The following LPAR1 variants were observed in gnomAD, a reference collection of about 807,000 sequenced individuals.
The protein encoded by LPAR1 is LPA receptor 1.
A neutral mutation model predicts 23.8 loss-of-function variants in LPAR1; 5 were observed. That is an observed-to-expected ratio of 0.21 (90% CI 0.11 to 0.44). The LOEUF (loss-of-function observed/expected upper bound fraction) is 0.44, where lower values mean the gene tolerates loss of function less well. LPAR1 is among the 20% of genes least tolerant of loss of function. The probability of loss-of-function intolerance (pLI) is 0.99; values close to 1 mark genes in which losing one functional copy is unlikely to be tolerated. For synonymous variants in LPAR1, 160 were observed against 164.7 expected, an observed-to-expected ratio of 0.97 and a Z score of 0.22; for missense variants, 311 against 482.8, an observed-to-expected ratio of 0.64 and a Z score of 3.33.
At chr9:111,000,173 T>C (rs553174339) in intron 2 of LPAR1, among the ~76,000 whole-genome samples, 1 of 152,328 alleles carries the variant, frequency 6.6e-6, no homozygotes, top group Admixed American at 6.5e-5. Flanking sequence ...CCCTTTCTCT[T>C]ACCCCTTTCA....
rs1187254510 is a variant in LPAR1, at chr9:110,873,901, T to C, written c.*1520A>G. The C allele has an allele frequency of 6.6e-6, 1 of 152,450 alleles. No individual in the cohort carries two copies. Among genetic ancestry groups the C allele is most frequent in the Non-Finnish European group, 1.5e-5 (1 of 68,040 alleles). The allele number at this position is 152,450 out of a possible 1,614,324, so 9.4% of individuals were successfully genotyped here. On this transcript the variant is annotated 3_prime_UTR_variant, in exon 6 of 6. Coordinates refer to ENST00000683809, the MANE Select transcript of LPAR1 (RefSeq NM_001351411.2). ...TCAAACAAAGTTTGGAATTGCGAGA[T>C]ATATTGGGGTACCTTGATTCTTGAG...
At chr9:111,021,727 C>T (rs577874066) in intron 2 of LPAR1, among the ~76,000 whole-genome samples, 1 of 152,052 alleles carries the variant, frequency 6.6e-6, no homozygotes, top group East Asian at 1.9e-4. Context: ...TTGGGAGGCC[C>T]AGGTGGGTGG....
intron 2 of LPAR1, among the ~76,000 whole-genome samples, chr9:111,000,156 C>T (rs1345057295): frequency 2.0e-5 from 3 of 152,220 alleles, no homozygotes; most frequent in Admixed American, 1.3e-4. Context: ...CATAACACTG[C>T]TATTCTCCCT....
intron 1 of LPAR1, among the ~76,000 whole-genome samples, chr9:111,037,601 G>A (rs946052863): frequency 2.0e-5 from 3 of 152,360 alleles, no homozygotes; most frequent in Admixed American, 6.5e-5. Flanking sequence ...TTGTTAGGCG[G>A]CTGGACAGAA....
chr9:111,015,440 T>C (rs2097424417), intron 2 of LPAR1, among the ~76,000 whole-genome samples: 1 of 152,160 alleles, frequency 6.6e-6, no homozygotes, highest in African/African-American at 2.4e-5. Context: ...TCAAGCCCTC[T>C]TAAGATATCT....
At chr9:110,978,198 T>C (rs925592474) in intron 2 of LPAR1, among the ~76,000 whole-genome samples, 1 of 152,140 alleles carries the variant, frequency 6.6e-6, no homozygotes, top group African/African-American at 2.4e-5. Context: ...GAAAGAAATA[T>C]GAGACCAGAA....
chr9:110,906,325 A>G (rs532243366), intron 5 of LPAR1, among the ~76,000 whole-genome samples: 19 of 152,240 alleles, frequency 1.2e-4, no homozygotes, highest in African/African-American at 4.6e-4. Context: ...AAAGGAAAAA[A>G]TCCTACTTCT....
intron 5 of LPAR1, among the ~76,000 whole-genome samples, chr9:110,889,940 A>G (rs2133126165): frequency 6.6e-6 from 1 of 152,330 alleles, no homozygotes; most frequent in South Asian, 2.1e-4. Context: ...GAAGTTGAGC[A>G]AAAATATATA....
intron 2 of LPAR1, among the ~76,000 whole-genome samples, chr9:111,014,569 G>A (rs1038255509): frequency 1.8e-4 from 27 of 152,028 alleles, no homozygotes; most frequent in African/African-American, 6.5e-4. Flanking sequence ...AGAATGACCA[G>A]GTGTCTGCCC....
chr9:110,943,323 A>G (rs2095241651), intron 4 of LPAR1, among the ~76,000 whole-genome samples: 1 of 151,800 alleles, frequency 6.6e-6, no homozygotes, highest in South Asian at 2.1e-4. Context: ...AATCTAATAA[A>G]TTACCCAAAA....
In LPAR1 at chr9:110,981,350, G is replaced by C. The variant is rs540268696; in HGVS notation, c.-181-7792C>G. Among the ~76,000 whole-genome samples the C allele has an allele frequency of 3.3e-5, 5 of 152,000 alleles. No homozygotes were observed. In the South Asian group the frequency reaches 8.3e-4, roughly 25 times the overall value. ...TATGACCTTGGGCAGGTTATGTCATGTCTCCTTGCCTCAGATTTCTCCTCT... is the reference window on the plus strand; with the variant it reads ...TATGACCTTGGGCAGGTTATGTCATCTCTCCTTGCCTCAGATTTCTCCTCT... On this transcript the variant is annotated intron_variant, in intron 2 of 5. Transcript: ENST00000683809.
At chr9:110,948,600 T>A (rs945581881) in intron 4 of LPAR1, among the ~76,000 whole-genome samples, 5 of 152,194 alleles carry the variant, frequency 3.3e-5, no homozygotes, top group African/African-American at 1.2e-4. Context: ...ATCATACTTG[T>A]CAAATTTCCA....
intron 5 of LPAR1, among the ~76,000 whole-genome samples, chr9:110,930,903 G>A (rs1188377045): frequency 2.6e-5 from 4 of 151,990 alleles, no homozygotes; most frequent in African/African-American, 4.8e-5. Context: ...CAACAAGAGC[G>A]AAATTCCGTC....
At chr9:110,939,406 CG>C (rs1362025174) in intron 5 of LPAR1, among the ~76,000 whole-genome samples, 1 of 152,170 alleles carries the variant, frequency 6.6e-6, no homozygotes, top group African/African-American at 2.4e-5. Context: ...ATCACCGTGA[CG>C]GGGTTTTCCA....
intron 5 of LPAR1, among the ~76,000 whole-genome samples, chr9:110,927,135 C>T (rs980536524): frequency 1.3e-5 from 2 of 152,142 alleles, no homozygotes; most frequent in African/African-American, 2.4e-5. Flanking sequence ...AAGTGGATTG[C>T]CCAAAGTCAA....
At chr9:110,952,423 G>A (rs571458150) in intron 4 of LPAR1, among the ~76,000 whole-genome samples, 2 of 152,196 alleles carry the variant, frequency 1.3e-5, no homozygotes, top group East Asian at 3.9e-4. Context: ...AGCAGCTACA[G>A]CAAAGCACCA....
chr9:110,972,926 G>A (rs959011775), intron 3 of LPAR1, among the ~76,000 whole-genome samples: 6 of 151,746 alleles, frequency 4.0e-5, no homozygotes, highest in South Asian at 2.1e-4. Context: ...CAGCCTGGGC[G>A]ACACAGAGAG....
At chr9:110,964,727 C>T (rs2096136457) in intron 4 of LPAR1, among the ~76,000 whole-genome samples, 1 of 151,690 alleles carries the variant, frequency 6.6e-6, no homozygotes, top group African/African-American at 2.4e-5. Context: ...AAAAAATCCA[C>T]TTTCTAATAA....
chr9:110,916,216 C>T (rs1038704042), intron 5 of LPAR1, among the ~76,000 whole-genome samples: 8 of 152,122 alleles, frequency 5.3e-5, no homozygotes, highest in Non-Finnish European at 1.0e-4. Flanking sequence ...AATAACCTTA[C>T]GAGATGGGAC....
Sources: allele counts gnomAD v4.1 joint callset (sites outside exome capture counted in the v4.1 genomes callset), GRCh38; gene constraint gnomAD v4.1.1; transcripts MANE v1.5; gene names NCBI Gene and HGNC (gene_info 2026-07-23, HGNC 2026-07-21).